The following PRKCH variants were observed in gnomAD, a reference collection of about 807,000 sequenced individuals.
PRKCH encodes protein kinase C eta type.
In PRKCH, 28 loss-of-function variants were observed where a neutral mutation model predicts 82.5. That is an observed-to-expected ratio of 0.34 (90% CI 0.25 to 0.47). PRKCH has a LOEUF of 0.47. PRKCH is among the 20% of genes least tolerant of loss of function. The pLI is 1.00. For synonymous variants in PRKCH, 322 were observed against 327.4 expected, an observed-to-expected ratio of 0.98 and a Z score of 0.18; for missense variants, 705 against 881.8, an observed-to-expected ratio of 0.80 and a Z score of 2.54.
intron 10 of PRKCH, among the ~76,000 whole-genome samples, chr14:61,505,870 G>C (rs1357193659): frequency 6.6e-6 from 1 of 152,078 alleles, no homozygotes; most frequent in Non-Finnish European, 1.5e-5. Context: ...CTTCAGAGTA[G>C]AGGCCAATGG....
At chr14:61,259,962 G>T (rs939740236) in intron 1 of PRKCH, among the ~76,000 whole-genome samples, 1 of 152,106 alleles carries the variant, frequency 6.6e-6, no homozygotes, top group Non-Finnish European at 1.5e-5. Context: ...CCTTCATCTG[G>T]ACCAGAGGGT....
intron 12 of PRKCH, among the ~76,000 whole-genome samples, chr14:61,530,869 G>A (rs2043036875): frequency 6.6e-6 from 1 of 152,174 alleles, no homozygotes; most frequent in Admixed American, 6.5e-5. Flanking sequence ...CTAGCACTTC[G>A]TAACTTTAGT....
At position 61,280,298 on chromosome 14, in the gene PRKCH, G is replaced by C. The variant is rs1391362749; in HGVS notation, c.-19+92630G>C. 3.1e-6 allele frequency: 5 copies of C among 1,613,714 alleles called. No homozygotes were observed. Among genetic ancestry groups the C allele is most frequent in the Non-Finnish European group, 4.2e-6 (5 of 1,179,954 alleles). ...GGGTAGTTGTAGGTGATGTTGACGC[G>C]GTAGGCGCCCCGCGGCAGCCCGGCC... On this transcript the variant is annotated intron_variant, in intron 1 of 3. Transcript: ENST00000555185. The surrounding 1 kb of genome is among the most constrained non-coding windows in gnomAD (Gnocchi z 5.0).
chr14:61,508,998 G>C (rs1481195017), intron 10 of PRKCH, among the ~76,000 whole-genome samples: 1 of 152,016 alleles, frequency 6.6e-6, no homozygotes. Context: ...CTTCTCCAAG[G>C]TGACTGTTAT....
At chr14:61,187,858 G>A (rs2044374903) in intron 1 of PRKCH, among the ~76,000 whole-genome samples, 1 of 152,148 alleles carries the variant, frequency 6.6e-6, no homozygotes, top group South Asian at 2.1e-4. Context: ...GTGGGAAGAG[G>A]ACATCCTTAT....
At chr14:61,458,673 G>T (rs1446204224) in intron 9 of PRKCH, among the ~76,000 whole-genome samples, 1 of 152,198 alleles carries the variant, frequency 6.6e-6, no homozygotes, top group Non-Finnish European at 1.5e-5. Context: ...GGCCGTACAG[G>T]AGGCATGGCT....
chr14:61,191,635 T>G (rs1373122493), intron 1 of PRKCH, among the ~76,000 whole-genome samples: 5 of 150,838 alleles, frequency 3.3e-5, no homozygotes, highest in South Asian at 4.2e-4. Context: ...ATGGAGCCAC[T>G]GCACTGCAGC....
intron 1 of PRKCH, among the ~76,000 whole-genome samples, chr14:61,362,487 C>T (rs2046240610): frequency 6.6e-6 from 1 of 152,118 alleles, no homozygotes; most frequent in African/African-American, 2.4e-5. Flanking sequence ...GATTACAGTG[C>T]AGTCTGAGTA....
intron 9 of PRKCH, 83 bp from the exon 10 acceptor site, chr14:61,485,419 C>T (rs986546654): frequency 8.7e-6 from 13 of 1,502,814 alleles, no homozygotes. Flanking sequence ...CTCTCTATGC[C>T]ACAGCCTTAG....
chr14:61,333,799 T>C (rs916649387), intron 1 of PRKCH, among the ~76,000 whole-genome samples: 1 of 152,210 alleles, frequency 6.6e-6, no homozygotes, highest in Non-Finnish European at 1.5e-5. Flanking sequence ...GGATTCATCT[T>C]TTTCATACGC....
At chr14:61,456,957 T>C (rs1884794583) in intron 7 of PRKCH, 1 of 500,360 alleles carries the variant, frequency 2.0e-6, no homozygotes, top group Non-Finnish European at 3.6e-6. Flanking sequence ...CTTAGACGTA[T>C]TTTTAATTGA....
At chr14:61,405,730 A>G (rs1881911689) in intron 2 of PRKCH, among the ~76,000 whole-genome samples, 2 of 152,170 alleles carry the variant, frequency 1.3e-5, no homozygotes, top group Admixed American at 6.5e-5. Context: ...AGGAGTTTTA[A>G]TAAGTGTTAG....
intron 1 of PRKCH, among the ~76,000 whole-genome samples, chr14:61,267,501 GT>G (rs1463100908): frequency 6.6e-6 from 1 of 152,182 alleles, no homozygotes; most frequent in Non-Finnish European, 1.5e-5. Flanking sequence ...TACCCTTCTT[GT>G]GATCCTGAAG....
chr14:61,244,998 C>G (rs2044868018), intron 1 of PRKCH, among the ~76,000 whole-genome samples: 1 of 152,156 alleles, frequency 6.6e-6, no homozygotes, highest in Non-Finnish European at 1.5e-5. Flanking sequence ...ACCTACTATA[C>G]CTGAGGCACA....
chr14:61,545,246 C>T (rs1172870005), intron 12 of PRKCH: 3 of 152,222 alleles, frequency 2.0e-5, no homozygotes, highest in Non-Finnish European at 4.4e-5. Context: ...TGTTCGTCCT[C>T]ATCTCTGGTC....
chr14:61,196,788 A>T (rs927621850), intron 1 of PRKCH, among the ~76,000 whole-genome samples: 2 of 152,218 alleles, frequency 1.3e-5, no homozygotes, highest in Admixed American at 1.3e-4. Flanking sequence ...ACACGTGAAC[A>T]TAGACTCCCA....
chr14:61,261,728 G>A (rs934014370), intron 1 of PRKCH, among the ~76,000 whole-genome samples: 1 of 151,690 alleles, frequency 6.6e-6, no homozygotes, highest in Non-Finnish European at 1.5e-5. Flanking sequence ...TAAAAGACAT[G>A]GACCTGACAC....
chr14:61,353,013 G>A (rs2046102782), intron 1 of PRKCH, among the ~76,000 whole-genome samples: 1 of 152,134 alleles, frequency 6.6e-6, no homozygotes, highest in Non-Finnish European at 1.5e-5. Flanking sequence ...GGCAAAACAT[G>A]GATATTCACA....
At chr14:61,407,561 G>A (rs899132709) in intron 2 of PRKCH, among the ~76,000 whole-genome samples, 1 of 152,128 alleles carries the variant, frequency 6.6e-6, no homozygotes, top group African/African-American at 2.4e-5. Flanking sequence ...ACCTGGTGGG[G>A]ACACTCAGCC....
Sources: gnomAD v4.1 joint callset for allele counts (sites outside exome capture counted in the v4.1 genomes callset) on GRCh38, gnomAD v4.1.1 for gene constraint, Gnocchi (gnomAD v3.1) non-coding constraint, MANE v1.5 for transcripts, NCBI Gene and HGNC (gene_info 2026-07-23, HGNC 2026-07-21) for gene names.